The following FHIT variants were observed in gnomAD, a reference collection of about 807,000 sequenced individuals.
FHIT encodes the protein bis(5'-adenosyl)-triphosphatase.
Under a neutral mutation model 17.9 loss-of-function variants are expected in FHIT, and 19 were observed. That is an observed-to-expected ratio of 1.06 (90% CI 0.74 to 1.56). The LOEUF is 1.56. Ranked by LOEUF, FHIT falls within the 40% of genes most tolerant of loss-of-function variation. The pLI is 0.00. For missense variants in FHIT, 248 were observed against 189.2 expected, an observed-to-expected ratio of 1.31 and a Z score of -1.82; for synonymous variants, 81 against 69.7, an observed-to-expected ratio of 1.16 and a Z score of -0.81.
intron 1 of FHIT, among the ~76,000 whole-genome samples, chr3:61,205,364 A>G (rs1197911621): frequency 1.3e-5 from 2 of 152,184 alleles, no homozygotes; most frequent in Non-Finnish European, 2.9e-5. Flanking sequence ...GTCAAATGGT[A>G]TATCTAGTTC....
chr3:60,751,696 G>C (rs1385304895), intron 4 of FHIT, among the ~76,000 whole-genome samples: 1 of 152,112 alleles, frequency 6.6e-6, no homozygotes, highest in Non-Finnish European at 1.5e-5. Flanking sequence ...GTATCTCTCT[G>C]AAAGGCAGGG....
chr3:59,890,586 T>C lies in FHIT; in HGVS notation c.348+31760A>G, dbSNP rs977976117. On this transcript the variant is annotated intron_variant, in intron 8 of 9. Coordinates refer to ENST00000492590, the MANE Select transcript of FHIT (RefSeq NM_002012.4). ...TGCAAAATGGGAACCCGCTTAACTA[T>C]TGCCTTTTATTACTCTGAAATCAGC... is the stretch of plus-strand genomic sequence containing the variant. 3.3e-5 allele frequency among the ~76,000 whole-genome samples: 5 copies of C among 152,218 alleles called. No homozygotes were observed. The East Asian group carries it at 5.8e-4, about 18-fold the overall frequency.
intron 5 of FHIT, among the ~76,000 whole-genome samples, chr3:60,410,310 G>T (rs1179697486): frequency 1.3e-5 from 2 of 152,112 alleles, no homozygotes; most frequent in Non-Finnish European, 2.9e-5. Flanking sequence ...AGCCTCTCCG[G>T]AGTTAAGGGT....
chr3:59,931,723 G>A (rs921748741), intron 7 of FHIT, among the ~76,000 whole-genome samples: 6 of 152,130 alleles, frequency 3.9e-5, no homozygotes, highest in African/African-American at 4.8e-5. Flanking sequence ...AGAATTTGTG[G>A]AGACTCTGTT....
intron 8 of FHIT, among the ~76,000 whole-genome samples, chr3:59,816,333 T>G (rs1174631734): frequency 1.3e-5 from 2 of 152,220 alleles, no homozygotes; most frequent in African/African-American, 4.8e-5. Context: ...TTTTGCCAAT[T>G]AGATGTGGAC....
At chr3:60,231,242 C>T in intron 5 of FHIT, among the ~76,000 whole-genome samples, 1 of 152,078 alleles carries the variant, frequency 6.6e-6, no homozygotes, top group South Asian at 2.1e-4. Context: ...TATATGTACA[C>T]ATACACATAC....
intron 4 of FHIT, among the ~76,000 whole-genome samples, chr3:60,584,816 T>C (rs139478008): frequency 1.3e-5 from 2 of 151,998 alleles, no homozygotes; most frequent in Non-Finnish European, 2.9e-5. Flanking sequence ...TGAATGAAGA[T>C]CCTTACAATG....
intron 3 of FHIT, among the ~76,000 whole-genome samples, chr3:60,913,819 T>C (rs1459158999): frequency 1.3e-5 from 2 of 152,190 alleles, no homozygotes; most frequent in African/African-American, 4.8e-5. Flanking sequence ...CATGTCTTTG[T>C]TGTTCTTCAG....
chr3:59,834,407 T>G (rs756416773), intron 8 of FHIT, among the ~76,000 whole-genome samples: 1 of 152,080 alleles, frequency 6.6e-6, no homozygotes, highest in Non-Finnish European at 1.5e-5. Flanking sequence ...GACATATAGA[T>G]AGATGATAGA....
chr3:60,234,688 G>T (rs1704676943), intron 5 of FHIT, among the ~76,000 whole-genome samples: 1 of 152,258 alleles, frequency 6.6e-6, no homozygotes. Flanking sequence ...TGATTTTGAA[G>T]ATTTTCCCAT....
intron 4 of FHIT, among the ~76,000 whole-genome samples, chr3:60,621,223 A>G (rs2039119156): frequency 7.0e-6 from 1 of 143,682 alleles, no homozygotes; most frequent in East Asian, 2.1e-4. Flanking sequence ...ATCTGGACAC[A>G]CCACAACCTC....
chr3:60,620,685 AT>A (rs1474356846), intron 4 of FHIT, among the ~76,000 whole-genome samples: 2 of 151,622 alleles, frequency 1.3e-5, no homozygotes, highest in Non-Finnish European at 2.9e-5. Context: ...AACATAGGAG[AT>A]TTTTTAGGGC....
In FHIT at chr3:60,539,204, A is replaced by C. The variant is rs948621006; in HGVS notation, c.-17-2225T>G. Reference sequence around the variant, plus strand: ...ACACATGAAAAAATGCTCATCATCAATGGCCATCAGAGAAAATGCAAATCA... The same window carrying C: ...ACACATGAAAAAATGCTCATCATCACTGGCCATCAGAGAAAATGCAAATCA... On this transcript the variant is annotated intron_variant, in intron 4 of 9. Transcript: ENST00000492590. Among the ~76,000 whole-genome samples, 9 of 152,298 alleles carry C rather than the reference A, an allele frequency of 5.9e-5. No individual in the cohort carries two copies. In the East Asian group the frequency reaches 9.7e-4, roughly 16 times the overall value.
At chr3:60,050,551 A>C (rs906086879) in intron 5 of FHIT, among the ~76,000 whole-genome samples, 12 of 152,066 alleles carry the variant, frequency 7.9e-5, no homozygotes, top group African/African-American at 2.9e-4. Flanking sequence ...AAAATACTAT[A>C]TATATAATTT....
chr3:60,724,170 C>G (rs570486573), intron 4 of FHIT, among the ~76,000 whole-genome samples: 2 of 152,274 alleles, frequency 1.3e-5, no homozygotes, highest in South Asian at 4.2e-4. Flanking sequence ...GCTAGGCAAC[C>G]ACTAGAGTTT....
chr3:61,014,931 C>A (rs2107632647), intron 3 of FHIT, among the ~76,000 whole-genome samples: 1 of 147,588 alleles, frequency 6.8e-6, no homozygotes, highest in Non-Finnish European at 1.5e-5. Context: ...CACACACATC[C>A]ATATATATGA....
chr3:60,430,783 A>G (rs1702859309), intron 5 of FHIT, among the ~76,000 whole-genome samples: 1 of 152,076 alleles, frequency 6.6e-6, no homozygotes, highest in African/African-American at 2.4e-5. Flanking sequence ...GATGTACTCT[A>G]CTAATTAAAG....
intron 3 of FHIT, among the ~76,000 whole-genome samples, chr3:60,929,105 C>T (rs1232177797): frequency 2.0e-5 from 3 of 152,080 alleles, no homozygotes; most frequent in Non-Finnish European, 2.9e-5. Flanking sequence ...ACAGAACCAA[C>T]GACAAAACCA....
intron 2 of FHIT, among the ~76,000 whole-genome samples, chr3:61,189,654 G>A (rs1435636362): frequency 1.3e-5 from 2 of 152,204 alleles, no homozygotes; most frequent in African/African-American, 4.8e-5. Context: ...GAACAAAGCT[G>A]GAGGCATCAC....
Sources: allele counts gnomAD v4.1 joint callset (sites outside exome capture counted in the v4.1 genomes callset), GRCh38; gene constraint gnomAD v4.1.1; transcripts MANE v1.5; gene names NCBI Gene and HGNC (gene_info 2026-07-23, HGNC 2026-07-21).